STEAP2: variants seen among roughly 807,000 people sequenced by gnomAD.
STEAP2 encodes metalloreductase STEAP2.
In STEAP2, 30 loss-of-function variants were observed where a neutral mutation model predicts 46.4. The observed-to-expected ratio is 0.65, with a 90% CI of 0.48 to 0.88. The LOEUF (loss-of-function observed/expected upper bound fraction) is 0.88. STEAP2 is among the 40% of genes least tolerant of loss of function. STEAP2 has a pLI of 0.00. For missense variants in STEAP2, 513 were observed against 579.3 expected (o/e 0.89, Z 1.18); for synonymous variants, 180 against 200.5 (o/e 0.90, Z 0.86).
rs143933103 is a variant in STEAP2 at position 90,236,650 on chromosome 7, T to C, written c.*4026T>C. The C allele has an allele frequency of 1.0e-5, 13 of 1,253,414 alleles. No homozygotes were observed. In the African/African-American group the frequency reaches 1.6e-4, roughly 15 times the overall value. The allele number at this position is 1,253,414 out of a possible 1,614,324, so 77.6% of individuals were successfully genotyped here. A position where few individuals can be genotyped will look rare whatever the true frequency, so the allele number is the denominator to read the frequency against. On this transcript the variant is annotated 3_prime_UTR_variant, in exon 6 of 6. Transcript: ENST00000394621. Reference sequence around the variant, plus strand: ...TAGTATGAGAAAATTATACAGTGCTTAATTTTCAGAGATTCTTTCCATATG... The same window carrying C: ...TAGTATGAGAAAATTATACAGTGCTCAATTTTCAGAGATTCTTTCCATATG...
chr7:90,224,991 G>C, intron 2 of STEAP2, 59 bp from the exon 3 acceptor site: 1 of 1,400,020 alleles, frequency 7.1e-7, no homozygotes, highest in Admixed American at 2.2e-5. Context: ...ACAATGTCTA[G>C]AAGTGTTTTA....
chr7:90,213,347 T>C (rs897959158), intron 1 of STEAP2, among the ~76,000 whole-genome samples: 2 of 152,152 alleles, frequency 1.3e-5, no homozygotes, highest in Non-Finnish European at 2.9e-5. Context: ...TGAAGACAAA[T>C]TTTTAAAGAA....
intron 4 of STEAP2, among the ~76,000 whole-genome samples, chr7:90,228,405 G>GAA (rs71297105): frequency 3.5e-5 from 1 of 28,216 alleles, no homozygotes; most frequent in Admixed American, 3.3e-4. Flanking sequence ...TTCACTCCCT[G>GAA]AAAAAAAACT....
chr7:90,217,898 A>G (rs998213662), intron 2 of STEAP2, among the ~76,000 whole-genome samples: 2 of 152,152 alleles, frequency 1.3e-5, no homozygotes, highest in South Asian at 2.1e-4. Flanking sequence ...ATAACATATA[A>G]GGATTCCCTT....
Position 90,225,717 on chromosome 7 carries a change from T to C in STEAP2, c.492+143T>C, listed in dbSNP as rs1795462135. On this transcript the variant is annotated intron_variant, in intron 3 of 5. Transcript: ENST00000394621. Reference sequence around the variant, plus strand: ...TTAATTATGAGCACCTGAAGATTAATGTCCTGACCTTGTAAGGGCACATTC... The same window carrying C: ...TTAATTATGAGCACCTGAAGATTAACGTCCTGACCTTGTAAGGGCACATTC... 15 of 967,938 alleles carry C rather than the reference T, an allele frequency of 1.5e-5. No individual in the cohort carries two copies. The East Asian group carries it at 3.7e-4, about 24-fold the overall frequency. The allele number at this position is 967,938 out of a possible 1,614,324, so 60.0% of individuals were successfully genotyped here. A position where few individuals can be genotyped will look rare whatever the true frequency, so the allele number is the denominator to read the frequency against.
Position 90,225,338 on chromosome 7 carries a change from A to T in STEAP2, c.256A>T (p.Thr86Ser). 1 of 1,613,940 alleles carries T rather than the reference A, an allele frequency of 6.2e-7. No homozygotes were observed. The highest frequency in any genetic ancestry group is 8.5e-7 in the Non-Finnish European group (1 of 1,179,954). Residue 86 changes from threonine to serine, a missense_variant, in exon 3 of 6, where the codon ACA becomes TCA. Coordinates refer to ENST00000394621, the MANE Select transcript of STEAP2 (RefSeq NM_001244944.2). ...TCATCATGAAGATGCTCTCACAAAAACAAATATAATATTTGTTGCTATACA... is the reference window on the plus strand; with the variant it reads ...TCATCATGAAGATGCTCTCACAAAATCAAATATAATATTTGTTGCTATACA... ...VTHHEDALTKTNIIFVAIHRE... is the reference protein window; with the variant it reads ...VTHHEDALTKSNIIFVAIHRE...
In STEAP2 at chr7:90,235,468, G is replaced by A; in HGVS notation, c.*2844G>A. ...CTGAACCATTCTTCTGGCCTCAGAA[G>A]TAGGACTGAATTCTACTATTGCTAG... On this transcript the variant is annotated 3_prime_UTR_variant, in exon 6 of 6. Transcript: ENST00000394621. 1 of 985,234 alleles carries A rather than the reference G, an allele frequency of 1.0e-6. No individual in the cohort carries two copies. Among genetic ancestry groups the A allele is most frequent in the Non-Finnish European group, 1.2e-6 (1 of 829,882 alleles). 61.0% of individuals were successfully genotyped at this position (985,234 alleles called of 1,614,324 possible). A position where few individuals can be genotyped will look rare whatever the true frequency, so the allele number is the denominator to read the frequency against.
rs768964862 is a variant in STEAP2, at chr7:90,225,282, C to G, written c.200C>G (p.Ser67Cys). Residue 67 changes from serine (S) to cysteine (C), a missense_variant, in exon 3 of 6, where the codon TCT becomes TGT. Coordinates refer to ENST00000394621, the MANE Select transcript of STEAP2 (RefSeq NM_001244944.2). ...VIGSRNPKFA[S>C]EFFPHVVDVT... ...GGAAGTAGAAATCCTAAGTTTGCTT[C>G]TGAATTTTTTCCTCATGTGGTAGAT... The G allele has an allele frequency of 1.1e-5, 18 of 1,613,996 alleles. No homozygotes were observed. The highest frequency in any genetic ancestry group is 5.1e-6 in the Non-Finnish European group (6 of 1,179,966).
intron 5 of STEAP2, among the ~76,000 whole-genome samples, chr7:90,231,446 C>T (rs1795744806): frequency 6.6e-6 from 1 of 151,810 alleles, no homozygotes. Context: ...AGGGAACGTT[C>T]TGAGCAATGA....
At chr7:90,218,366 C>T (rs1795116947) in intron 2 of STEAP2, among the ~76,000 whole-genome samples, 1 of 151,886 alleles carries the variant, frequency 6.6e-6, no homozygotes, top group Non-Finnish European at 1.5e-5. Context: ...CAAATATTTC[C>T]CCAATGTTTT....
Position 90,230,035 on chromosome 7 carries a change from A to G in STEAP2, c.1184A>G (p.Gln395Arg). 1 of 1,611,262 alleles carries G rather than the reference A, an allele frequency of 6.2e-7. No homozygotes were observed. Among genetic ancestry groups the G allele is most frequent in the Non-Finnish European group, 8.5e-7 (1 of 1,178,746 alleles). Residue 395 changes from glutamine to arginine, a missense_variant and splice_region_variant, in exon 5 of 6, where the codon CAG (glutamine) becomes CGG (arginine). By Grantham distance (43) the Gln-to-Arg change is conservative. Transcript: ENST00000394621. ...AACTGGAGAGAATTCAGTTTTATTC[A>G]GGTATGTGGGGTTTTGTTTGGTGAA... ...ALNWREFSFI[Q>R]STLGYVALLI...
At position 90,227,316 on chromosome 7, in the gene STEAP2, T is replaced by A; in HGVS notation, c.838T>A (p.Tyr280Asn). The change falls in exon 4 of 6, where the codon TAT becomes AAT. Residue 280 changes from tyrosine to asparagine, a missense_variant. Tyr to Asn is a moderately radical substitution (Grantham distance 143). Coordinates refer to ENST00000394621, the MANE Select transcript of STEAP2 (RefSeq NM_001244944.2). ...VYLAGLLAAA[Y>N]QLYYGTKYRR... ...CCTCGCAGGTCTTCTGGCAGCTGCT[T>A]ATCAACTTTATTACGGCACCAAGTA... 1 of 1,613,924 alleles carries A rather than the reference T, an allele frequency of 6.2e-7. No homozygotes were observed. The highest frequency in any genetic ancestry group is 8.5e-7 in the Non-Finnish European group (1 of 1,179,848).
intron 2 of STEAP2, among the ~76,000 whole-genome samples, chr7:90,219,015 TTTTG>T (rs879434117): frequency 7.2e-5 from 11 of 152,132 alleles, no homozygotes; most frequent in Non-Finnish European, 1.2e-4. Flanking sequence ...CCTAGTTGTT[TTTTG>T]TTTGTTTTTG....
At chr7:90,239,967 GTT>G (rs1287951897), downstream of STEAP2, among the ~76,000 whole-genome samples, 1 of 152,120 alleles carries the variant, frequency 6.6e-6, no homozygotes, top group Non-Finnish European at 1.5e-5. Context: ...ACCTGAAAAA[GTT>G]TTTTAAAACA....
At position 90,234,754 on chromosome 7, in the gene STEAP2, C is replaced by T. The variant is rs758154675; in HGVS notation, c.*2130C>T. ...ATTTTTAGTAGAGACGGAGTTTCAC[C>T]GTGTTAGCCAGGATGGTCTCGATCT... On this transcript the variant is annotated 3_prime_UTR_variant, in exon 6 of 6. Transcript: ENST00000394621. The T allele has an allele frequency of 1.6e-3, 881 of 544,412 alleles. 2 individuals are homozygous for T. The highest frequency in any genetic ancestry group is 1.8e-3 in the Non-Finnish European group (791 of 427,742). 33.7% of individuals were successfully genotyped at this position (544,412 alleles called of 1,614,324 possible).
chr7:90,234,546 C>CAT lies in STEAP2; in HGVS notation c.*1922_*1923insAT. On this transcript the variant is annotated 3_prime_UTR_variant, in exon 6 of 6. Transcript: ENST00000394621. Reference sequence around the variant, plus strand: ...GGTGAATTTTATTATCTTGTACCCTCTTTTTTTTTTTTTTTTTTTTTAAAG... The same window carrying CAT: ...GGTGAATTTTATTATCTTGTACCCTCATTTTTTTTTTTTTTTTTTTTTTAAAG... 1.2e-6 allele frequency: 1 copy of CAT among 808,156 alleles called. No individual in the cohort carries two copies. The highest frequency in any genetic ancestry group is 1.4e-6 in the Non-Finnish European group (1 of 690,002). 50.1% of individuals were successfully genotyped at this position (808,156 alleles called of 1,614,324 possible).
chr7:90,229,758 C>G, intron 4 of STEAP2, 114 bp from the exon 5 acceptor site: 4 of 1,454,448 alleles, frequency 2.8e-6, no homozygotes, highest in Non-Finnish European at 2.7e-6. Flanking sequence ...TAAATTAGTA[C>G]AACTTAAATA....
intron 3 of STEAP2, 130 bp downstream of exon 3, chr7:90,225,704 A>G (rs1795461421): frequency 9.5e-7 from 1 of 1,057,832 alleles, no homozygotes; most frequent in East Asian, 2.6e-5. Flanking sequence ...AATTATGAGC[A>G]CCTGAAGATT....
At chr7:90,213,406 G>A (rs1794894810) in intron 1 of STEAP2, among the ~76,000 whole-genome samples, 1 of 152,174 alleles carries the variant, frequency 6.6e-6, no homozygotes, top group South Asian at 2.1e-4. Flanking sequence ...CACCAAAAAT[G>A]TGAAAGAGTA....
Sources: allele counts gnomAD v4.1 joint callset (sites outside exome capture counted in the v4.1 genomes callset), GRCh38; gene constraint gnomAD v4.1.1; transcripts MANE v1.5; gene names NCBI Gene and HGNC (gene_info 2026-07-23, HGNC 2026-07-21).